The following XPNPEP1 variants were observed in gnomAD, a reference collection of about 807,000 sequenced individuals.
The protein encoded by XPNPEP1 is X-prolyl aminopeptidase 1, also known as xaa-Pro aminopeptidase 1.
In XPNPEP1, 39 loss-of-function variants were observed where a neutral mutation model predicts 92.4. The ratio of observed to expected loss-of-function variants is 0.42; its 90% confidence interval spans 0.33 to 0.55. XPNPEP1 has a LOEUF of 0.55. XPNPEP1 is among the 20% of genes least tolerant of loss of function. The pLI is 0.08. For missense variants in XPNPEP1, 654 were observed against 856.1 expected (o/e 0.76, Z 2.95); for synonymous variants, 307 against 299.4 (o/e 1.03, Z -0.26).
At chr10:109,923,208 C>A in intron 1 of XPNPEP1, 194 bp downstream of exon 1, 1 of 985,384 alleles carries the variant, frequency 1.0e-6, no homozygotes, top group Non-Finnish European at 1.2e-6. Context: ...CGGAAACGAA[C>A]CGGATCTCGC....
Position 109,865,205 on chromosome 10 carries a change from T to A in XPNPEP1, c.1980A>T (p.Gln660His), listed in dbSNP as rs1352841978. 6.2e-7 allele frequency: 1 copy of A among 1,614,072 alleles called. No individual in the cohort carries two copies. Among genetic ancestry groups the A allele is most frequent in the Non-Finnish European group, 8.5e-7 (1 of 1,180,010 alleles). ...EALEWLIRET[Q>H]PISKQH ...TTTATTAATGCTGTTTGGAGATGGGTTGCGTCTCTCTGATGAGCCACTCGA... is the reference window on the plus strand; with the variant it reads ...TTTATTAATGCTGTTTGGAGATGGGATGCGTCTCTCTGATGAGCCACTCGA... The change falls in exon 21 of 21, where the codon CAA (glutamine) becomes CAT (histidine). Residue 660 changes from glutamine to histidine, a missense_variant. Gln to His is a conservative substitution (Grantham distance 24). Transcript: ENST00000502935.
intron 10 of XPNPEP1, among the ~76,000 whole-genome samples, chr10:109,881,754 A>G (rs1848112354): frequency 6.6e-6 from 1 of 152,222 alleles, no homozygotes; most frequent in African/African-American, 2.4e-5. Context: ...GCCTACCTCT[A>G]AAGAGGCCTG....
intron 3 of XPNPEP1, among the ~76,000 whole-genome samples, chr10:109,896,802 G>A (rs1050416787): frequency 6.6e-6 from 1 of 152,026 alleles, no homozygotes; most frequent in African/African-American, 2.4e-5. Context: ...GAAGATGGAC[G>A]AAGGGACCAT....
chr10:109,875,697 C>A, intron 14 of XPNPEP1, 98 bp from the exon 15 acceptor site: 1 of 907,140 alleles, frequency 1.1e-6, no homozygotes, highest in Admixed American at 2.3e-5. Flanking sequence ...ATTCTTGCAA[C>A]TTACATAAGC....
At chr10:109,872,242 A>G (rs954147998) in intron 16 of XPNPEP1, among the ~76,000 whole-genome samples, 5 of 152,202 alleles carry the variant, frequency 3.3e-5, no homozygotes, top group African/African-American at 9.7e-5. Context: ...TTGATCCCAC[A>G]CTTCACGATG....
Position 109,891,759 on chromosome 10 carries a change from G to A in XPNPEP1, c.378C>T (p.Ala126=). 1.9e-6 allele frequency: 3 copies of A among 1,594,486 alleles called. No homozygotes were observed. The highest frequency in any genetic ancestry group is 2.6e-6 in the Non-Finnish European group (3 of 1,174,150). Residue 126 remains alanine (A), a synonymous_variant, in exon 5 of 21, where the codon GCC becomes GCT. Coordinates refer to ENST00000502935, the MANE Select transcript of XPNPEP1 (RefSeq NM_020383.4). ...GTGTCCAGTTGCTGTCCATTTGCTT[G>A]GCAGCCTGGAGAAAGTAGCGCCCGT... ...WTDGRYFLQA[A]KQMDSNWTLM... is the part of the protein sequence containing the mutation.
intron 20 of XPNPEP1, among the ~76,000 whole-genome samples, chr10:109,868,324 T>C (rs1455916536): frequency 1.3e-5 from 2 of 151,634 alleles, no homozygotes; most frequent in African/African-American, 4.8e-5. Context: ...TATGGAGGAA[T>C]AGTACAGCCA....
intron 16 of XPNPEP1, 149 bp downstream of exon 16, chr10:109,873,218 G>T (rs144510432): frequency 4.6e-6 from 4 of 860,272 alleles, no homozygotes; most frequent in Non-Finnish European, 7.3e-6. Context: ...AATGAACCTC[G>T]TAAAGCAGAT....
intron 8 of XPNPEP1, among the ~76,000 whole-genome samples, chr10:109,885,939 A>T (rs1848363528): frequency 6.6e-6 from 1 of 152,204 alleles, no homozygotes; most frequent in African/African-American, 2.4e-5. Flanking sequence ...ACACCTACAG[A>T]GGCTGACAGA....
At chr10:109,882,234 C>G (rs1035397402) in intron 10 of XPNPEP1, among the ~76,000 whole-genome samples, 198 bp downstream of exon 10, 2 of 152,202 alleles carry the variant, frequency 1.3e-5, no homozygotes, top group Non-Finnish European at 2.9e-5. Context: ...TCTCATGCCA[C>G]ACTCTGGAAA....
intron 10 of XPNPEP1, 122 bp from the exon 11 acceptor site, chr10:109,881,053 C>T (rs538122033): frequency 4.0e-5 from 36 of 902,144 alleles, no homozygotes; most frequent in Middle Eastern, 4.7e-4. Flanking sequence ...CTCCCACTGG[C>T]GACCCATATA....
chr10:109,904,615 C>A (rs1849456423), intron 3 of XPNPEP1, among the ~76,000 whole-genome samples: 1 of 152,048 alleles, frequency 6.6e-6, no homozygotes, highest in Non-Finnish European at 1.5e-5. Context: ...CTCATTGGGG[C>A]AAAGGACTTG....
intron 3 of XPNPEP1, among the ~76,000 whole-genome samples, chr10:109,896,728 T>G (rs1292756691): frequency 6.6e-6 from 1 of 151,970 alleles, no homozygotes; most frequent in Non-Finnish European, 1.5e-5. Flanking sequence ...GTATTATAAA[T>G]GAACAAGCAG....
intron 15 of XPNPEP1, among the ~76,000 whole-genome samples, chr10:109,873,804 A>G (rs2133368248): frequency 6.6e-6 from 1 of 152,352 alleles, no homozygotes; most frequent in African/African-American, 2.4e-5. Context: ...CAGTAATTAA[A>G]AAGAAATGGA....
chr10:109,888,262 G>C, intron 6 of XPNPEP1, 70 bp from the exon 7 acceptor site: 13 of 1,555,228 alleles, frequency 8.4e-6, no homozygotes, highest in East Asian at 2.3e-5. Context: ...GCAGGGCCTT[G>C]AAAGTCCAGA....
chr10:109,880,991 G>A lies in XPNPEP1; in HGVS notation c.1042-60C>T, dbSNP rs544859449. On this transcript the variant is annotated intron_variant, in intron 10 of 20. Transcript: ENST00000502935. ...CCGGCTCCACCCACCCAAGACCAAG[G>A]CAACAACCTTTTTGCTCAGCAAAAC... 163 of 1,510,292 alleles carry A rather than the reference G, an allele frequency of 1.1e-4. 3 individuals carry two copies. In the South Asian group the frequency reaches 1.8e-3, roughly 17 times the overall value. The allele number at this position is 1,510,292 out of a possible 1,614,324, so 93.6% of individuals were successfully genotyped here.
chr10:109,914,166 C>T (rs1055985035), intron 2 of XPNPEP1, among the ~76,000 whole-genome samples: 3 of 151,954 alleles, frequency 2.0e-5, no homozygotes, highest in Admixed American at 2.0e-4. Flanking sequence ...CAGTAATACA[C>T]CACTTTTCAG....
chr10:109,868,345 T>G (rs1157385731), intron 20 of XPNPEP1, among the ~76,000 whole-genome samples: 1 of 151,722 alleles, frequency 6.6e-6, no homozygotes, highest in African/African-American at 2.4e-5. Flanking sequence ...AACAATGGCA[T>G]ACGAGTTCCA....
chr10:109,865,257 A>T lies in XPNPEP1; in HGVS notation c.1928T>A (p.Leu643Ter), dbSNP rs1847071712. ...LTCRDVIGKE[L>*]QKQGRQEALE... ...AGCTTCCTGGCGGCCCTGTTTCTGC[A>T]ATTCCTTCCCAATCACATCCCTGCA... Residue 643 changes from leucine to a stop codon, truncating the protein, a stop_gained, in exon 21 of 21, where the codon TTG becomes TAG. Coordinates refer to ENST00000502935, the MANE Select transcript of XPNPEP1 (RefSeq NM_020383.4). LOFTEE classifies it high-confidence loss of function. 6.2e-7 allele frequency: 1 copy of T among 1,614,184 alleles called. No individual in the cohort carries two copies. Among genetic ancestry groups the T allele is most frequent in the Non-Finnish European group, 8.5e-7 (1 of 1,180,038 alleles).
Sources: gnomAD v4.1 joint callset for allele counts (sites outside exome capture counted in the v4.1 genomes callset) on GRCh38, gnomAD v4.1.1 for gene constraint, MANE v1.5 for transcripts, NCBI Gene and HGNC (gene_info 2026-07-23, HGNC 2026-07-21) for gene names.